The following DMD variants were observed in gnomAD, a reference collection of about 807,000 sequenced individuals.
DMD encodes dystrophin, also known as mutant dystrophin.
A neutral mutation model predicts 330.1 loss-of-function variants in DMD; 63 were observed. The ratio of observed to expected loss-of-function variants is 0.19; its 90% CI spans 0.16 to 0.24. The LOEUF is 0.24. Ranked by LOEUF, DMD falls within the 10% of genes least tolerant of loss-of-function variation. DMD has a pLI of 1.00. For missense variants in DMD, 3,344 were observed against 2,684.1 expected (o/e 1.25, Z -5.43); for synonymous variants, 1,223 against 959.8 (o/e 1.27, Z -5.07).
chrX:31,268,163 T>A lies in DMD; in HGVS notation c.9225-7147A>T, dbSNP rs2051329093. Among the ~76,000 whole-genome samples the A allele has an allele frequency of 4.5e-5, 5 of 112,010 alleles. No individual in the cohort carries two copies. The Admixed American group carries it at 4.7e-4, about 11-fold the overall frequency. On this transcript the variant is annotated intron_variant, in intron 62 of 78. Coordinates refer to ENST00000357033, the MANE Select transcript of DMD (RefSeq NM_004006.3). ...CACTTCAGCCTCCAAGTGCCTGCGA[T>A]GACAGGTGCATGCCACCATATCCGG...
intron 60 of DMD, among the ~76,000 whole-genome samples, chrX:31,360,671 A>G (rs1178938521): frequency 8.9e-6 from 1 of 112,177 alleles, no homozygotes; most frequent in African/African-American, 3.2e-5. Flanking sequence ...GATGGATAAA[A>G]ATCAGAAGGA....
At chrX:31,844,929 A>G (rs2093386069) in intron 48 of DMD, among the ~76,000 whole-genome samples, 1 of 110,385 alleles carries the variant, frequency 9.1e-6, no homozygotes, top group Non-Finnish European at 1.9e-5. Flanking sequence ...CCTGACTTCT[A>G]TATGTACCAG....
rs149306194 is a variant in DMD at position 32,276,698 on chromosome X, T to C, written c.6290+10831A>G. ...ACTTTGGGAGGCCGAAGTAGGTGGA[T>C]CACTTGAGGTCAGGAGTTCGAGACC... On this transcript the variant is annotated intron_variant, in intron 43 of 78. Transcript: ENST00000357033. Among the ~76,000 whole-genome samples the C allele has an allele frequency of 7.9e-3, 871 of 110,714 alleles. 6 individuals carry two copies. The highest frequency in any genetic ancestry group is 0.026 in the African/African-American group (801 of 30,441).
At chrX:32,613,681 G>C (rs1421184612) in intron 12 of DMD, among the ~76,000 whole-genome samples, 1 of 109,970 alleles carries the variant, frequency 9.1e-6, no homozygotes, top group Non-Finnish European at 1.9e-5. Flanking sequence ...TCCCTATGAA[G>C]TCTGTCTTCC....
At chrX:31,359,411 C>A (rs1157621278) in intron 60 of DMD, among the ~76,000 whole-genome samples, 1 of 111,741 alleles carries the variant, frequency 8.9e-6, no homozygotes, top group African/African-American at 3.3e-5. Flanking sequence ...AGTGGAAATG[C>A]CACGAATTTT....
chrX:32,932,387 G>A (rs1237933382), intron 2 of DMD, among the ~76,000 whole-genome samples: 1 of 111,725 alleles, frequency 9.0e-6, no homozygotes, highest in East Asian at 2.8e-4. Flanking sequence ...TATAGTTTCC[G>A]TACTCCCCTA....
chrX:32,872,226 T>C (rs2083054768), intron 2 of DMD, among the ~76,000 whole-genome samples: 1 of 111,559 alleles, frequency 9.0e-6, no homozygotes, highest in Non-Finnish European at 1.9e-5. Context: ...CCAACTACCA[T>C]TGAACATTTT....
intron 1 of DMD, among the ~76,000 whole-genome samples, chrX:33,233,814 G>T (rs1050705666): frequency 2.7e-5 from 3 of 111,510 alleles, no homozygotes; most frequent in African/African-American, 6.5e-5. Context: ...AGGTAAAACT[G>T]GGAAAATCTG....
chrX:32,259,403 C>T (rs1287572903), intron 43 of DMD, among the ~76,000 whole-genome samples: 2 of 110,099 alleles, frequency 1.8e-5, no homozygotes, highest in East Asian at 5.7e-4. Flanking sequence ...ATACAAATAC[C>T]CTATATTGTA....
At chrX:32,664,399 GGC>G (rs1420702446) in intron 9 of DMD, among the ~76,000 whole-genome samples, 1 of 109,405 alleles carries the variant, frequency 9.1e-6, no homozygotes, top group Non-Finnish European at 1.9e-5. Flanking sequence ...CTGCCACCAC[GGC>G]CGGCAAATTT....
intron 1 of DMD, among the ~76,000 whole-genome samples, chrX:33,228,445 A>G (rs971169544): frequency 1.8e-5 from 2 of 109,945 alleles, no homozygotes; most frequent in African/African-American, 6.6e-5. Context: ...AGAGAGTAAG[A>G]TTAGAAATAG....
intron 1 of DMD, among the ~76,000 whole-genome samples, chrX:33,063,138 T>C (rs2094602791): frequency 1.8e-5 from 2 of 111,784 alleles, no homozygotes; most frequent in Non-Finnish European, 3.8e-5. Context: ...GTCATTAATA[T>C]TGACCTACAA....
At chrX:32,590,939 A>T (rs769234036) in intron 13 of DMD, among the ~76,000 whole-genome samples, 8 of 111,553 alleles carry the variant, frequency 7.2e-5, no homozygotes, top group Non-Finnish European at 1.3e-4. Flanking sequence ...CTATCTATCC[A>T]TCCATCCATC....
chrX:31,840,890 A>G (rs1012217296), intron 48 of DMD, among the ~76,000 whole-genome samples: 1 of 110,397 alleles, frequency 9.1e-6, no homozygotes, highest in East Asian at 2.8e-4. Flanking sequence ...ATTCTGAGAC[A>G]CAACAATATT....
At chrX:31,912,187 G>A (rs1019613044) in intron 47 of DMD, among the ~76,000 whole-genome samples, 1 of 110,684 alleles carries the variant, frequency 9.0e-6, no homozygotes, top group Admixed American at 9.7e-5. Flanking sequence ...GAATCCCGGC[G>A]AAACCACTAC....
intron 51 of DMD, among the ~76,000 whole-genome samples, chrX:31,758,486 T>C (rs2089310283): frequency 9.0e-6 from 1 of 111,227 alleles, no homozygotes; most frequent in South Asian, 3.8e-4. Context: ...ATTAAGAAAA[T>C]ACGCTTTTTT....
At chrX:32,405,516 T>C (rs1037404322) in intron 30 of DMD, among the ~76,000 whole-genome samples, 15 of 111,924 alleles carry the variant, frequency 1.3e-4, no homozygotes, top group Non-Finnish European at 2.6e-4. Flanking sequence ...CTTTATTCTG[T>C]TTCAATAAAT....
intron 47 of DMD, among the ~76,000 whole-genome samples, chrX:31,913,409 G>A (rs575204740): frequency 1.9e-3 from 212 of 111,424 alleles, no homozygotes; most frequent in Non-Finnish European, 3.5e-3. Flanking sequence ...ACCAGACTAC[G>A]TGATATACTA....
chrX:31,521,797 T>C (rs1233974907), intron 55 of DMD, among the ~76,000 whole-genome samples: 1 of 111,792 alleles, frequency 8.9e-6, no homozygotes, highest in Non-Finnish European at 1.9e-5. Context: ...ATTAATGTTA[T>C]CCTGAACAGA....
Sources: gnomAD v4.1 joint callset for allele counts (sites outside exome capture counted in the v4.1 genomes callset) on GRCh38, gnomAD v4.1.1 for gene constraint, MANE v1.5 for transcripts, NCBI Gene and HGNC (gene_info 2026-07-23, HGNC 2026-07-21) for gene names.